Variants in TYRO3 observed in about 807,000 individuals in gnomAD.
The protein encoded by TYRO3 is TYRO3 protein tyrosine kinase, also known as tyrosine-protein kinase receptor TYRO3.
In TYRO3, 38 loss-of-function variants were observed where a neutral mutation model predicts 95.2. That is an observed-to-expected ratio of 0.40 (90% CI 0.31 to 0.52). TYRO3 has a LOEUF of 0.52. Among genes scored for constraint, TYRO3 ranks in the 20% least tolerant of loss-of-function variants. TYRO3 has a pLI of 0.56. For missense variants in TYRO3, 812 were observed against 1,116.4 expected, an observed-to-expected ratio of 0.73 and a Z score of 3.89; for synonymous variants, 367 against 432.9, an observed-to-expected ratio of 0.85 and a Z score of 1.89.
At position 41,562,713 on chromosome 15, in the gene TYRO3, T is replaced by C. The variant is rs1436655760; in HGVS notation, c.575T>C (p.Val192Ala). Reference sequence around the variant, plus strand: ...GCTCCCTCTCCATCTGTTTTAAATGTAACAGGTGAGCAGCCTCAGAAGGGG... The same window carrying C: ...GCTCCCTCTCCATCTGTTTTAAATGCAACAGGTGAGCAGCCTCAGAAGGGG... ...GPAPSPSVLN[V>A]TGVTQSTMFS... is the part of the protein sequence containing the mutation. The change falls in exon 4 of 19, where the codon GTA (valine) becomes GCA (alanine). Residue 192 changes from valine to alanine, a missense_variant. By Grantham distance (64) the Val-to-Ala change is moderately conservative. Transcript: ENST00000263798. The C allele has an allele frequency of 1.2e-6, 2 of 1,611,056 alleles. No homozygotes were observed. Among genetic ancestry groups the C allele is most frequent in the Non-Finnish European group, 1.7e-6 (2 of 1,178,556 alleles).
intron 13 of TYRO3, 82 bp from the exon 14 acceptor site, chr15:41,571,513 G>C: frequency 1.0e-6 from 1 of 970,790 alleles, no homozygotes; most frequent in Non-Finnish European, 1.7e-6. Flanking sequence ...TAGGACATCT[G>C]AAGGACAAGA....
In TYRO3 at chr15:41,581,759, C is replaced by A. The variant is rs2055925197; in HGVS notation, c.*3483C>A. 1 of 133,788 alleles carries A rather than the reference C, an allele frequency of 7.5e-6. No homozygotes were observed. Among genetic ancestry groups the A allele is most frequent in the African/African-American group, 2.8e-5 (1 of 35,458 alleles). 8.3% of individuals were successfully genotyped at this position (133,788 alleles called of 1,614,324 possible). On this transcript the variant is annotated 3_prime_UTR_variant, in exon 19 of 19. Coordinates refer to ENST00000263798, the MANE Select transcript of TYRO3 (RefSeq NM_006293.4). ...AGGAGAATCACTTGAACCCTGGAGG[C>A]GGAGGTTGCAGTGAACTGAGATGGC...
chr15:41,572,304 G>GCC, intron 14 of TYRO3, 139 bp from the exon 15 acceptor site: 1 of 1,255,228 alleles, frequency 8.0e-7, no homozygotes, highest in East Asian at 2.4e-5. Flanking sequence ...CCCCAGACCA[G>GCC]TGTGGAGCCT....
In TYRO3 at chr15:41,570,815, T is replaced by C. The variant is rs908940401; in HGVS notation, c.1579+116T>C. On this transcript the variant is annotated intron_variant, in intron 12 of 18. Coordinates refer to ENST00000263798, the MANE Select transcript of TYRO3 (RefSeq NM_006293.4). ...GTCGGTTGCCGTAAACAAGATATGC[T>C]TGTAGACTCCTGAGTGTGGGATGTT... is the stretch of plus-strand genomic sequence containing the variant. The C allele has an allele frequency of 7.7e-6, 8 of 1,034,338 alleles. No homozygotes were observed. In the Admixed American group the frequency reaches 1.3e-4, roughly 17 times the overall value. The allele number at this position is 1,034,338 out of a possible 1,614,324, so 64.1% of individuals were successfully genotyped here. A position where few individuals can be genotyped will look rare whatever the true frequency, so the allele number is the denominator to read the frequency against.
At chr15:41,564,121 T>C in intron 4 of TYRO3, 63 bp from the exon 5 acceptor site, 1 of 1,468,118 alleles carries the variant, frequency 6.8e-7, no homozygotes, top group Non-Finnish European at 9.5e-7. Context: ...GTATTCCCCT[T>C]TCCCAGTCCC....
chr15:41,565,382 C>T (rs1405262816), intron 6 of TYRO3, among the ~76,000 whole-genome samples: 3 of 151,980 alleles, frequency 2.0e-5, no homozygotes, highest in African/African-American at 4.8e-5. Context: ...ATCACTAGAA[C>T]AGATTTGGGG....
chr15:41,565,468 G>T (rs548637662), intron 6 of TYRO3, among the ~76,000 whole-genome samples: 37 of 151,806 alleles, frequency 2.4e-4, no homozygotes, highest in Admixed American at 1.2e-3. Context: ...GAGTGCAGTG[G>T]TGCCATCTCG....
At chr15:41,576,754 C>T (rs891688002) in intron 18 of TYRO3, among the ~76,000 whole-genome samples, 7 of 151,058 alleles carry the variant, frequency 4.6e-5, no homozygotes, top group Non-Finnish European at 8.8e-5. Context: ...GCATCAAACC[C>T]CTGGGTTCAA....
At chr15:41,560,428 T>TGTGTGTGTGTGCGCGC (rs1408766845) in intron 1 of TYRO3, among the ~76,000 whole-genome samples, 60 of 135,306 alleles carry the variant, frequency 4.4e-4, no homozygotes, top group Non-Finnish European at 8.1e-4. Flanking sequence ...TGTGTGTGTG[T>TGTGTGTGTGTGCGCGC]GCGCGCGCGC....
intron 6 of TYRO3, among the ~76,000 whole-genome samples, chr15:41,566,268 A>G (rs1379683284): frequency 1.4e-5 from 2 of 147,336 alleles, no homozygotes; most frequent in African/African-American, 2.5e-5. Context: ...AGCCGAGATC[A>G]TGCCACTGCA....
intron 4 of TYRO3, 57 bp from the exon 5 acceptor site, chr15:41,564,127 G>A (rs1411237484): frequency 1.3e-6 from 2 of 1,499,232 alleles, no homozygotes; most frequent in South Asian, 1.1e-5. Context: ...CCCTTTCCCA[G>A]TCCCGCACTG....
chr15:41,562,845 C>G, intron 4 of TYRO3, 127 bp downstream of exon 4: 1 of 956,626 alleles, frequency 1.0e-6, no homozygotes, highest in Non-Finnish European at 1.5e-6. Flanking sequence ...TGTCTGGGGA[C>G]GTGAGCTGCA....
intron 4 of TYRO3, among the ~76,000 whole-genome samples, chr15:41,563,524 C>T (rs1044371823): frequency 3.3e-5 from 5 of 152,080 alleles, no homozygotes; most frequent in African/African-American, 1.2e-4. Context: ...AGGTCCTGTT[C>T]AGGAGGCGCT....
rs776399666 is a variant in TYRO3, at chr15:41,571,042, G to T, written c.1584G>T (p.Glu528Asp). ...FTLGRMLGKG[E>D]FGSVREAQLK... Reference sequence around the variant, plus strand: ...CTTACTTGGATTGGTTCCTAGGAGAGTTTGGTTCAGTGCGGGAGGCCCAGC... The same window carrying T: ...CTTACTTGGATTGGTTCCTAGGAGATTTTGGTTCAGTGCGGGAGGCCCAGC... The change falls in exon 13 of 19, where the codon GAG becomes GAT. Residue 528 changes from glutamate (E) to aspartate (D), a missense_variant. Glu to Asp is a conservative substitution (Grantham distance 45). Coordinates refer to ENST00000263798, the MANE Select transcript of TYRO3 (RefSeq NM_006293.4). 1 of 1,614,076 alleles carries T rather than the reference G, an allele frequency of 6.2e-7. No individual in the cohort carries two copies. Among genetic ancestry groups the T allele is most frequent in the Middle Eastern group, 1.7e-4 (1 of 6,060 alleles).
At chr15:41,568,784 C>T in intron 8 of TYRO3, 94 bp from the exon 9 acceptor site, 3 of 1,465,436 alleles carry the variant, frequency 2.0e-6, no homozygotes, top group Non-Finnish European at 2.8e-6. Context: ...CCTATACTCC[C>T]ATGTTCCCAG....
rs1317128071 is a variant in TYRO3, at chr15:41,578,132, T to A, written c.2529T>A (p.Thr843=). ...DGSGMGAVGG[T]PSDCRYILTP... ...GTGGCATGGGGGCAGTGGGTGGCAC[T>A]CCCAGTGACTGTCGGTACATACTCA... is the stretch of plus-strand genomic sequence containing the variant. Residue 843 remains threonine (T), a synonymous_variant, in exon 19 of 19, where the codon ACT becomes ACA. Transcript: ENST00000263798. 1.2e-6 allele frequency: 2 copies of A among 1,613,750 alleles called. No individual in the cohort carries two copies. Among genetic ancestry groups the A allele is most frequent in the Non-Finnish European group, 1.7e-6 (2 of 1,180,020 alleles).
At position 41,578,159 on chromosome 15, in the gene TYRO3, C is replaced by T. The variant is rs747090374; in HGVS notation, c.2556C>T (p.Thr852=). The T allele has an allele frequency of 3.7e-6, 6 of 1,613,950 alleles. No individual in the cohort carries two copies. The highest frequency in any genetic ancestry group is 2.2e-5 in the South Asian group (2 of 91,080). Residue 852 remains threonine (T), a synonymous_variant, in exon 19 of 19, where the codon ACC becomes ACT. Transcript: ENST00000263798. Reference sequence around the variant, plus strand: ...CCAGTGACTGTCGGTACATACTCACCCCCGGAGGGCTGGCTGAGCAGCCAG... The same window carrying T: ...CCAGTGACTGTCGGTACATACTCACTCCCGGAGGGCTGGCTGAGCAGCCAG... ...GTPSDCRYIL[T]PGGLAEQPGQ...
At chr15:41,560,393 A>G (rs866513700) in intron 1 of TYRO3, among the ~76,000 whole-genome samples, 1,279 of 120,504 alleles carry the variant, frequency 0.011, 18 homozygotes, top group African/African-American at 0.029. Context: ...AGGTGCGTGT[A>G]TGTGTGTGTG....
chr15:41,559,503 A>T, intron 1 of TYRO3, 122 bp downstream of exon 1: 1 of 235,144 alleles, frequency 4.3e-6, no homozygotes, highest in Non-Finnish European at 8.1e-6. Flanking sequence ...CCGAAGGCCG[A>T]GGCTCGGAGC....
Sources: gnomAD v4.1 joint callset for allele counts (sites outside exome capture counted in the v4.1 genomes callset) on GRCh38, gnomAD v4.1.1 for gene constraint, MANE v1.5 for transcripts, NCBI Gene and HGNC (gene_info 2026-07-23, HGNC 2026-07-21) for gene names.